The following CCDC158 variants were observed in gnomAD, a reference collection of about 807,000 sequenced individuals.
CCDC158 encodes coiled-coil domain-containing protein 158.
A neutral mutation model predicts 138.6 loss-of-function variants in CCDC158; 116 were observed. That is an observed-to-expected ratio of 0.84 (90% CI 0.72 to 0.98). CCDC158 has a LOEUF of 0.98. Ranked by LOEUF, CCDC158 falls within the 50% of genes least tolerant of loss-of-function variation. The pLI is 0.00. For missense variants in CCDC158, 1,265 were observed against 1,306.1 expected, an observed-to-expected ratio of 0.97 and a Z score of 0.48; for synonymous variants, 436 against 442.4, an observed-to-expected ratio of 0.99 and a Z score of 0.18.
At position 76,405,835 on chromosome 4, in the gene CCDC158, A is replaced by T. The variant is rs145034577; in HGVS notation, c.-73-2555T>A. 4.9e-4 allele frequency among the ~76,000 whole-genome samples: 75 copies of T among 152,308 alleles called. 1 individual carries two copies. Among genetic ancestry groups the T allele is most frequent in the African/African-American group, 1.7e-3 (71 of 41,586 alleles). ...AAGCATAAGTACAAAAGTAACCACT[A>T]GAGTAAAAATACAAACCTTCTTAAA... is the stretch of plus-strand genomic sequence containing the variant. On this transcript the variant is annotated intron_variant, in intron 2 of 24. Transcript: ENST00000682701.
At chr4:76,373,012 C>A (rs1725386166) in intron 9 of CCDC158, among the ~76,000 whole-genome samples, 1 of 152,140 alleles carries the variant, frequency 6.6e-6, no homozygotes, top group Non-Finnish European at 1.5e-5. Context: ...CCATGGCCAG[C>A]TAATTTTTGT....
intron 18 of CCDC158, among the ~76,000 whole-genome samples, chr4:76,346,482 TG>T (rs1170671185): frequency 6.6e-6 from 1 of 152,200 alleles, no homozygotes; most frequent in Non-Finnish European, 1.5e-5. Context: ...GAGGCCAAGC[TG>T]GGTGGATCAC....
chr4:76,407,212 T>A (rs1728898642), intron 2 of CCDC158: 1 of 152,152 alleles, frequency 6.6e-6, no homozygotes, highest in African/African-American at 2.4e-5. Flanking sequence ...TTCATTTTTA[T>A]TTCACTCACA....
At chr4:76,407,884 G>T (rs1728958611) in intron 2 of CCDC158, among the ~76,000 whole-genome samples, 1 of 152,094 alleles carries the variant, frequency 6.6e-6, no homozygotes, top group Non-Finnish European at 1.5e-5. Context: ...TGTCTACTTC[G>T]ACGTAAGATG....
chr4:76,398,281 A>G (rs1257484141), intron 3 of CCDC158, among the ~76,000 whole-genome samples: 2 of 152,206 alleles, frequency 1.3e-5, no homozygotes, highest in African/African-American at 4.8e-5. Context: ...CAAAAGATAC[A>G]CTATAGATTA....
chr4:76,370,931 C>T (rs771395053), intron 10 of CCDC158, among the ~76,000 whole-genome samples: 5 of 152,064 alleles, frequency 3.3e-5, no homozygotes, highest in Admixed American at 6.6e-5. Flanking sequence ...CCACTAATAC[C>T]GCAAAAGGGG....
chr4:76,346,335 T>C (rs1578925336), intron 18 of CCDC158, among the ~76,000 whole-genome samples: 1 of 152,328 alleles, frequency 6.6e-6, no homozygotes, highest in East Asian at 1.9e-4. Context: ...GGCAAAGACT[T>C]CATGACTAAA....
chr4:76,390,126 T>C (rs1727180858), intron 4 of CCDC158, among the ~76,000 whole-genome samples: 1 of 152,068 alleles, frequency 6.6e-6, no homozygotes, highest in Non-Finnish European at 1.5e-5. Context: ...GATAAACCAA[T>C]CAAAAGTAAT....
intron 22 of CCDC158, among the ~76,000 whole-genome samples, chr4:76,326,555 C>T (rs1232686519): frequency 5.9e-5 from 9 of 152,066 alleles, no homozygotes; most frequent in Non-Finnish European, 1.3e-4. Context: ...TTCTTCTTAT[C>T]TGCATGAAAA....
At chr4:76,348,411 G>A (rs1722764697) in intron 18 of CCDC158, among the ~76,000 whole-genome samples, 1 of 146,454 alleles carries the variant, frequency 6.8e-6, no homozygotes, top group Non-Finnish European at 1.5e-5. Flanking sequence ...CCCCAGCCTG[G>A]GCAACAGAGC....
chr4:76,374,806 T>TA (rs879859439), intron 9 of CCDC158, among the ~76,000 whole-genome samples: 1,944 of 143,724 alleles, frequency 0.014, 33 homozygotes, highest in African/African-American at 0.043. Flanking sequence ...TGCTTTCACT[T>TA]AAAAAAAAAA....
At chr4:76,352,564 GTTTTGGTACAAT>G (rs1409553186) in intron 16 of CCDC158, 1 of 152,210 alleles carries the variant, frequency 6.6e-6, no homozygotes, top group Non-Finnish European at 1.5e-5. Context: ...ATCAAGGATG[GTTTTGGTACAAT>G]TTTAGGCTTC....
chr4:76,371,485 C>T lies in CCDC158; in HGVS notation c.1081G>A (p.Ala361Thr). ...LVLANSELTE[A>T]RTERDQFSQE... ...CTGAATTGATCACGCTCTGTCCGGG[C>T]TTCAGTTAGCTCTGAGTTGGCAAGG... Residue 361 changes from alanine to threonine, a missense_variant, in exon 10 of 25, where the codon GCC becomes ACC. Physicochemically the swap from Ala to Thr is moderately conservative, Grantham distance 58 (BLOSUM62 0). Coordinates refer to ENST00000682701, the MANE Select transcript of CCDC158 (RefSeq NM_001394954.1). 6.2e-7 allele frequency: 1 copy of T among 1,614,142 alleles called. No individual in the cohort carries two copies. Among genetic ancestry groups the T allele is most frequent in the Admixed American group, 1.7e-5 (1 of 60,024 alleles).
intron 13 of CCDC158, among the ~76,000 whole-genome samples, chr4:76,360,679 A>C (rs924614614): frequency 1.3e-5 from 2 of 152,056 alleles, no homozygotes; most frequent in Admixed American, 1.3e-4. Flanking sequence ...TGGCCAATTT[A>C]TCTCTTTTGG....
chr4:76,331,469 A>G, intron 20 of CCDC158, 66 bp from the exon 21 acceptor site: 1 of 1,355,478 alleles, frequency 7.4e-7, no homozygotes, highest in Middle Eastern at 2.0e-4. Flanking sequence ...ATATAACAAA[A>G]GTTTGTGAGA....
rs796133593 is a variant in CCDC158 at position 76,355,376 on chromosome 4, G to A, written c.2234C>T (p.Ala745Val). 6.2e-7 allele frequency: 1 copy of A among 1,613,882 alleles called. No homozygotes were observed. The highest frequency in any genetic ancestry group is 8.5e-7 in the Non-Finnish European group (1 of 1,179,934). ...QITAKRGQID[A>V]LQSKIQFLEE... ...CAAAAACTGTATCTTGCTCTGAAGG[G>A]CATCTATCTGACCTCTTTTGGCTGT... Residue 745 changes from alanine (A) to valine (V), a missense_variant, in exon 15 of 25, where the codon GCC (alanine) becomes GTC (valine). Coordinates refer to ENST00000682701, the MANE Select transcript of CCDC158 (RefSeq NM_001394954.1).
rs114436304 is a variant in CCDC158, at chr4:76,421,043, G to C, written c.-195C>G. Among the ~76,000 whole-genome samples the C allele has an allele frequency of 0.015, 2,288 of 151,992 alleles. 54 individuals are homozygous for C. The highest frequency in any genetic ancestry group is 0.052 in the African/African-American group (2,159 of 41,456). On this transcript the variant is annotated 5_prime_UTR_variant, in exon 1 of 25. Transcript: ENST00000682701. ...CGGGCGCAGCGGCCCCACCTACGTCGACCTGGCGGCTGGGACGGGGCGGCT... is the reference window on the plus strand; with the variant it reads ...CGGGCGCAGCGGCCCCACCTACGTCCACCTGGCGGCTGGGACGGGGCGGCT...
chr4:76,320,288 T>A (rs765754953), intron 24 of CCDC158, among the ~76,000 whole-genome samples: 5 of 152,278 alleles, frequency 3.3e-5, no homozygotes, highest in South Asian at 2.1e-4. Context: ...AAGGAAATCA[T>A]AGACAACACA....
intron 18 of CCDC158, among the ~76,000 whole-genome samples, chr4:76,335,625 G>C (rs924660609): frequency 6.6e-6 from 1 of 151,950 alleles, no homozygotes; most frequent in African/African-American, 2.4e-5. Flanking sequence ...TGTCACCTAG[G>C]CTGGAATGCA....
Sources: allele counts gnomAD v4.1 joint callset (sites outside exome capture counted in the v4.1 genomes callset), GRCh38; gene constraint gnomAD v4.1.1; transcripts MANE v1.5; gene names NCBI Gene and HGNC (gene_info 2026-07-23, HGNC 2026-07-21).